CHCHD6: variants seen among roughly 807,000 people sequenced by gnomAD.
CHCHD6 encodes the protein MICOS complex subunit MIC25.
In CHCHD6, 28 loss-of-function variants were observed where a neutral mutation model predicts 32.3. That is an observed-to-expected ratio of 0.87 (90% confidence interval 0.64 to 1.19). The LOEUF (loss-of-function observed/expected upper bound fraction) is 1.19, where lower values mean the gene tolerates loss of function less well. Among genes scored for constraint, CHCHD6 ranks in the 50% most tolerant of loss-of-function variants. The probability of loss-of-function intolerance (pLI) is 0.00; values close to 1 mark genes in which losing one functional copy is unlikely to be tolerated. For missense variants in CHCHD6, 333 were observed against 307.0 expected, an observed-to-expected ratio of 1.08 and a Z score of -0.63; for synonymous variants, 122 against 117.5, an observed-to-expected ratio of 1.04 and a Z score of -0.25.
intron 5 of CHCHD6, among the ~76,000 whole-genome samples, chr3:126,863,554 A>T (rs1210537110): frequency 2.4e-4 from 21 of 87,526 alleles, no homozygotes; most frequent in Non-Finnish European, 2.5e-4. Flanking sequence ...CACCATCACC[A>T]CCTCCTCCTC....
intron 4 of CHCHD6, among the ~76,000 whole-genome samples, chr3:126,770,866 C>G (rs1937530600): frequency 6.6e-6 from 1 of 152,152 alleles, no homozygotes; most frequent in Non-Finnish European, 1.5e-5. Flanking sequence ...AGAAGTCCCT[C>G]CTCCTCAATT....
At chr3:126,781,077 T>C (rs1408304602) in intron 4 of CHCHD6, among the ~76,000 whole-genome samples, 3 of 152,164 alleles carry the variant, frequency 2.0e-5, no homozygotes, top group African/African-American at 7.2e-5. Context: ...TACCATGGTT[T>C]CACTAGATTG....
chr3:126,836,079 A>G (rs188718623), intron 4 of CHCHD6, among the ~76,000 whole-genome samples: 4 of 152,314 alleles, frequency 2.6e-5, no homozygotes, highest in Admixed American at 2.6e-4. Context: ...TAAAAAATAA[A>G]TAAATAGATC....
intron 6 of CHCHD6, among the ~76,000 whole-genome samples, chr3:126,941,765 A>G (rs2078563742): frequency 6.6e-6 from 1 of 152,134 alleles, no homozygotes; most frequent in Non-Finnish European, 1.5e-5. Context: ...AGATGAAAAC[A>G]TTGTCTTTTT....
intron 5 of CHCHD6, among the ~76,000 whole-genome samples, chr3:126,886,570 A>G (rs1040452734): frequency 2.0e-5 from 3 of 152,184 alleles, no homozygotes; most frequent in African/African-American, 4.8e-5. Flanking sequence ...ACTCATTCCC[A>G]TTGTGACTCT....
chr3:126,922,754 G>A (rs1006329398), intron 6 of CHCHD6, among the ~76,000 whole-genome samples: 2 of 152,024 alleles, frequency 1.3e-5, no homozygotes, highest in African/African-American at 4.8e-5. Context: ...TGTTTCCTAA[G>A]CTGTGGCATC....
intron 4 of CHCHD6, among the ~76,000 whole-genome samples, chr3:126,734,179 C>G (rs1444498247): frequency 6.6e-6 from 1 of 152,214 alleles, no homozygotes; most frequent in African/African-American, 2.4e-5. Context: ...CAGTCCTCAG[C>G]AGAGGGGATA....
chr3:126,830,628 C>T (rs569057187), intron 4 of CHCHD6, among the ~76,000 whole-genome samples: 1 of 152,358 alleles, frequency 6.6e-6, no homozygotes, highest in South Asian at 2.1e-4. Flanking sequence ...CTCTTTACGG[C>T]TGCTACTTGG....
In CHCHD6 at chr3:126,886,240, A is replaced by C. The variant is rs190618436; in HGVS notation, c.496-28440A>C. Among the ~76,000 whole-genome samples the C allele has an allele frequency of 9.8e-5, 15 of 152,368 alleles. No homozygotes were observed. In the East Asian group the frequency reaches 2.1e-3, roughly 22 times the overall value. On this transcript the variant is annotated intron_variant, in intron 5 of 7. Coordinates refer to ENST00000290913, the MANE Select transcript of CHCHD6 (RefSeq NM_032343.3). ...AAGCAACAGTAGTTTCCCCTGATTC[A>C]CAAGTTCTCTTTTGGAGTTTTCAGT...
At chr3:126,879,743 A>T (rs972578213) in intron 5 of CHCHD6, among the ~76,000 whole-genome samples, 2 of 152,192 alleles carry the variant, frequency 1.3e-5, no homozygotes, top group African/African-American at 4.8e-5. Context: ...AAATATCCTG[A>T]GTGTGTGACA....
intron 4 of CHCHD6, among the ~76,000 whole-genome samples, chr3:126,738,371 T>G (rs1007173744): frequency 3.3e-5 from 5 of 152,220 alleles, no homozygotes; most frequent in Admixed American, 2.0e-4. Context: ...CGTGGCCGAC[T>G]GTATCATGAC....
intron 4 of CHCHD6, among the ~76,000 whole-genome samples, chr3:126,779,406 G>A (rs1309130891): frequency 4.6e-5 from 7 of 151,934 alleles, no homozygotes; most frequent in African/African-American, 1.5e-4. Context: ...GCATGGTGGC[G>A]CGTGCCTGTA....
At chr3:126,931,928 G>A (rs1239355376) in intron 6 of CHCHD6, among the ~76,000 whole-genome samples, 2 of 152,126 alleles carry the variant, frequency 1.3e-5, no homozygotes, top group Non-Finnish European at 1.5e-5. Context: ...TTGTGATGAG[G>A]AAGTGAGGCT....
At chr3:126,957,602 A>C (rs954734487) in intron 7 of CHCHD6, 51 bp downstream of exon 7, 3 of 1,539,758 alleles carry the variant, frequency 1.9e-6, no homozygotes, top group Non-Finnish European at 8.8e-7. Flanking sequence ...GAGGTAGGCG[A>C]GGTACCTCTA....
At chr3:126,710,637 C>T (rs1216912215) in intron 1 of CHCHD6, among the ~76,000 whole-genome samples, 1 of 152,096 alleles carries the variant, frequency 6.6e-6, no homozygotes, top group Non-Finnish European at 1.5e-5. Context: ...TTTCAGTGTA[C>T]AAGTCTTGTA....
intron 4 of CHCHD6, chr3:126,767,080 C>G: frequency 8.7e-7 from 1 of 1,148,902 alleles, no homozygotes; most frequent in Non-Finnish European, 1.3e-6. Flanking sequence ...TGTACTCTGT[C>G]CGCCGTGCCC....
intron 5 of CHCHD6, among the ~76,000 whole-genome samples, chr3:126,881,384 C>T (rs61133186): frequency 0.057 from 8,612 of 152,256 alleles, 775 homozygotes; most frequent in African/African-American, 0.19. Context: ...TTTGCCTTTC[C>T]ACAGGGCTCT....
At chr3:126,730,456 A>C in intron 2 of CHCHD6, 105 bp from the exon 3 acceptor site, 3 of 891,654 alleles carry the variant, frequency 3.4e-6, no homozygotes, top group South Asian at 3.2e-5. Flanking sequence ...GCTGCCTTCC[A>C]AGGGGCACAT....
At chr3:126,808,631 T>G (rs756627650) in intron 4 of CHCHD6, among the ~76,000 whole-genome samples, 2 of 152,198 alleles carry the variant, frequency 1.3e-5, no homozygotes, top group Admixed American at 6.5e-5. Flanking sequence ...ACCATGTCAA[T>G]GTAGTCTTTT....
Sources: allele counts gnomAD v4.1 joint callset (sites outside exome capture counted in the v4.1 genomes callset), GRCh38; gene constraint gnomAD v4.1.1; transcripts MANE v1.5; gene names NCBI Gene and HGNC (gene_info 2026-07-23, HGNC 2026-07-21).